ITPR2: variants seen among roughly 807,000 people sequenced by gnomAD.
The protein encoded by ITPR2 is inositol 1,4,5-trisphosphate receptor type 2.
ITPR2 carries 207 observed loss-of-function variants against 317.1 expected under a neutral mutation model. The ratio of observed to expected loss-of-function variants is 0.65; its 90% CI spans 0.58 to 0.73. The LOEUF (loss-of-function observed/expected upper bound fraction) is 0.73. Ranked by LOEUF, ITPR2 falls within the 30% of genes least tolerant of loss-of-function variation. The probability of loss-of-function intolerance (pLI) is 0.00; values close to 1 mark genes in which losing one functional copy is unlikely to be tolerated. For missense variants in ITPR2, 2,613 were observed against 3,284.0 expected (o/e 0.80, Z 4.99); for synonymous variants, 1,156 against 1,149.1 (o/e 1.01, Z -0.12).
chr12:26,574,990 G>A (rs1945243487), intron 34 of ITPR2, among the ~76,000 whole-genome samples: 1 of 151,740 alleles, frequency 6.6e-6, no homozygotes, highest in Non-Finnish European at 1.5e-5. Flanking sequence ...GAGATCTGGA[G>A]GGGACAGACG....
At chr12:26,397,541 G>T (rs1591989092) in intron 54 of ITPR2, among the ~76,000 whole-genome samples, 1 of 151,956 alleles carries the variant, frequency 6.6e-6, no homozygotes. Context: ...GCTATTTATT[G>T]TGTTTGTATC....
intron 1 of ITPR2, among the ~76,000 whole-genome samples, chr12:26,791,163 C>A (rs181707753): frequency 6.6e-6 from 1 of 152,156 alleles, no homozygotes; most frequent in Non-Finnish European, 1.5e-5. Context: ...GACAGAGAAG[C>A]TGAATCTCTG....
chr12:26,383,097 AT>A (rs1200560435), intron 55 of ITPR2, among the ~76,000 whole-genome samples: 2 of 152,146 alleles, frequency 1.3e-5, no homozygotes, highest in Non-Finnish European at 2.9e-5. Context: ...TTCTCACTCT[AT>A]TAGTTCACTC....
chr12:26,703,741 TAAC>T, intron 9 of ITPR2, among the ~76,000 whole-genome samples: 1 of 152,352 alleles, frequency 6.6e-6, no homozygotes, highest in South Asian at 2.1e-4. Context: ...ATTGGATTTA[TAAC>T]AACAGTCATA....
At chr12:26,718,658 G>A (rs1250691115) in intron 5 of ITPR2, among the ~76,000 whole-genome samples, 5 of 151,754 alleles carry the variant, frequency 3.3e-5, no homozygotes, top group African/African-American at 4.8e-5. Flanking sequence ...CACCCAGGCT[G>A]GAGTACAGTG....
intron 1 of ITPR2, among the ~76,000 whole-genome samples, chr12:26,793,702 G>A (rs1056645734): frequency 6.6e-6 from 1 of 152,138 alleles, no homozygotes; most frequent in Non-Finnish European, 1.5e-5. Context: ...AATGATTAAA[G>A]TGACATTTAA....
chr12:26,792,417 C>G (rs981274041), intron 1 of ITPR2, among the ~76,000 whole-genome samples: 1 of 151,534 alleles, frequency 6.6e-6, no homozygotes, highest in African/African-American at 2.4e-5. Flanking sequence ...ATGCCAAAAT[C>G]CTGGAACAAC....
intron 43 of ITPR2, among the ~76,000 whole-genome samples, chr12:26,479,162 ATACTT>A (rs1343205472): frequency 6.6e-6 from 1 of 150,380 alleles, no homozygotes; most frequent in African/African-American, 2.4e-5. Flanking sequence ...AAAAAAAACT[ATACTT>A]TAAATATTTC....
chr12:26,772,523 T>TTATATATATTA (rs376560685), intron 2 of ITPR2, among the ~76,000 whole-genome samples: 1 of 90,940 alleles, frequency 1.1e-5, no homozygotes, highest in Non-Finnish European at 2.5e-5. Context: ...TAATACATTA[T>TTATATATATTA]TATATATAAT....
intron 2 of ITPR2, among the ~76,000 whole-genome samples, chr12:26,777,514 T>C (rs1949995699): frequency 6.6e-6 from 1 of 152,150 alleles, no homozygotes; most frequent in Non-Finnish European, 1.5e-5. Context: ...ACGGTGGGTG[T>C]AACTACCATA....
intron 1 of ITPR2, among the ~76,000 whole-genome samples, chr12:26,822,798 C>T (rs553661150): frequency 1.6e-4 from 25 of 152,240 alleles, no homozygotes; most frequent in Non-Finnish European, 2.9e-4. Context: ...GGATGGAATG[C>T]CATCTTATTC....
intron 10 of ITPR2, among the ~76,000 whole-genome samples, chr12:26,691,683 C>A (rs1039018782): frequency 3.3e-5 from 5 of 152,008 alleles, no homozygotes; most frequent in Admixed American, 1.3e-4. Context: ...AGCAGTCAGC[C>A]CCTAGAACAC....
intron 2 of ITPR2, among the ~76,000 whole-genome samples, chr12:26,764,952 A>T (rs375692648): frequency 1.3e-5 from 2 of 152,188 alleles, no homozygotes; most frequent in African/African-American, 4.8e-5. Flanking sequence ...ATGAAAAACA[A>T]TATTTCTGCA....
intron 35 of ITPR2, among the ~76,000 whole-genome samples, chr12:26,558,118 A>G (rs1037407357): frequency 6.6e-6 from 1 of 151,974 alleles, no homozygotes; most frequent in Non-Finnish European, 1.5e-5. Context: ...ATTAAAAGAG[A>G]CTAATGGGAA....
chr12:26,773,989 T>A (rs1317380843), intron 2 of ITPR2, among the ~76,000 whole-genome samples: 1 of 138,524 alleles, frequency 7.2e-6, no homozygotes, highest in East Asian at 2.0e-4. Context: ...GAATTTTTTT[T>A]TTTTTTTTTT....
At chr12:26,797,611 G>A (rs557014247) in intron 1 of ITPR2, among the ~76,000 whole-genome samples, 1 of 150,426 alleles carries the variant, frequency 6.6e-6, no homozygotes, top group Admixed American at 6.6e-5. Context: ...ATCCACAATT[G>A]ACATTACTAA....
chr12:26,643,873 A>G (rs1295234362), intron 21 of ITPR2, among the ~76,000 whole-genome samples: 1 of 152,226 alleles, frequency 6.6e-6, no homozygotes. Flanking sequence ...AAGGAAACGG[A>G]ACTTGAATTT....
rs1951106983 is a variant in ITPR2, at chr12:26,831,728, AAATAT to A, written c.92+957_92+961del. ...AATATATAAATATATATTCTACATA[AAATAT>A]ATAAATATATATTCTACATAAAATA... On this transcript the variant is annotated intron_variant, in intron 1 of 56. Transcript: ENST00000381340. The surrounding 1 kb of genome is among the most constrained non-coding windows in gnomAD (Gnocchi z 4.9). Among the ~76,000 whole-genome samples, 1 of 124,664 alleles carries A rather than the reference AAATAT, an allele frequency of 8.0e-6. No homozygotes were observed. The highest frequency in any genetic ancestry group is 8.6e-5 in the Admixed American group (1 of 11,620). 81.8% of individuals were successfully genotyped at this position (124,664 alleles called of 152,430 possible).
chr12:26,602,361 A>G lies in ITPR2; in HGVS notation c.3678+9T>C. 2 of 1,590,898 alleles carry G rather than the reference A, an allele frequency of 1.3e-6. No individual in the cohort carries two copies. Among genetic ancestry groups the G allele is most frequent in the Non-Finnish European group, 1.7e-6 (2 of 1,173,018 alleles). ...AAAAGCTAAAGAACAAAAAATAACC[A>G]GGACTAACCTTTTCATAGGGTATCT... On this transcript the variant is annotated intron_variant, in intron 28 of 56. Coordinates refer to ENST00000381340, the MANE Select transcript of ITPR2 (RefSeq NM_002223.4).
Sources: gnomAD v4.1 joint callset for allele counts (sites outside exome capture counted in the v4.1 genomes callset) on GRCh38, gnomAD v4.1.1 for gene constraint, Gnocchi (gnomAD v3.1) non-coding constraint, MANE v1.5 for transcripts, NCBI Gene and HGNC (gene_info 2026-07-23, HGNC 2026-07-21) for gene names.